Variants in DNAJC3 observed in about 807,000 individuals in gnomAD.
DNAJC3 encodes DnaJ heat shock protein family (Hsp40) member C3, also known as dnaJ homolog subfamily C member 3.
In DNAJC3, 38 loss-of-function variants were observed where a neutral mutation model predicts 68.6. The observed-to-expected ratio is 0.55, with a 90% CI of 0.43 to 0.73. The LOEUF is 0.73. DNAJC3 is among the 30% of genes least tolerant of loss of function. The probability of loss-of-function intolerance (pLI) is 0.00; values close to 1 mark genes in which losing one functional copy is unlikely to be tolerated. For synonymous variants in DNAJC3, 203 were observed against 204.0 expected, an observed-to-expected ratio of 1.00 and a Z score of 0.04; for missense variants, 526 against 591.9, an observed-to-expected ratio of 0.89 and a Z score of 1.16.
chr13:95,688,366 A>G (rs972152731), intron 1 of DNAJC3, among the ~76,000 whole-genome samples: 2 of 152,246 alleles, frequency 1.3e-5, no homozygotes, highest in African/African-American at 2.4e-5. Flanking sequence ...TTCAAGGGAA[A>G]TGCTTTCAGC....
chr13:95,783,207 C>T (rs1883504477), intron 9 of DNAJC3, among the ~76,000 whole-genome samples: 1 of 152,144 alleles, frequency 6.6e-6, no homozygotes, highest in Non-Finnish European at 1.5e-5. Context: ...GGAAGTCTTA[C>T]ATCATCCATA....
intron 1 of DNAJC3, among the ~76,000 whole-genome samples, chr13:95,704,015 T>C (rs1490744308): frequency 6.6e-6 from 1 of 152,212 alleles, no homozygotes; most frequent in African/African-American, 2.4e-5. Context: ...CATTGCAAAA[T>C]AGCACACTTG....
intron 9 of DNAJC3, among the ~76,000 whole-genome samples, chr13:95,775,566 A>G (rs1883270327): frequency 1.3e-5 from 2 of 152,230 alleles, no homozygotes; most frequent in African/African-American, 4.8e-5. Context: ...TAAGGAAATT[A>G]GTATATTTCC....
chr13:95,736,003 G>A (rs1038989801), intron 4 of DNAJC3, among the ~76,000 whole-genome samples: 124 of 152,144 alleles, frequency 8.2e-4, no homozygotes, highest in Non-Finnish European at 1.5e-3. Flanking sequence ...TTTGTATAAG[G>A]TGTAAGGAAG....
At chr13:95,728,087 A>T (rs1881588585) in intron 4 of DNAJC3, among the ~76,000 whole-genome samples, 1 of 152,082 alleles carries the variant, frequency 6.6e-6, no homozygotes, top group Admixed American at 6.5e-5. Flanking sequence ...TATCCTACTT[A>T]GTTTGTTCCT....
chr13:95,701,858 A>G (rs17878862), intron 1 of DNAJC3, among the ~76,000 whole-genome samples: 99 of 152,324 alleles, frequency 6.5e-4, no homozygotes, highest in Middle Eastern at 6.8e-3. Flanking sequence ...TTCCCCCATT[A>G]TAACACTATA....
rs1883590920 is a variant in DNAJC3, at chr13:95,786,002, T to A, written c.1139T>A (p.Leu380Gln). The A allele has an allele frequency of 6.2e-7, 1 of 1,612,566 alleles. No individual in the cohort carries two copies. Among genetic ancestry groups the A allele is most frequent in the Admixed American group, 1.7e-5 (1 of 59,810 alleles). The change falls in exon 10 of 12, where the codon CTA becomes CAA. Residue 380 changes from leucine to glutamine, a missense_variant. Transcript: ENST00000602402. ...AATGATCAGCAGATTCGAGAAGGTC[T>A]AGAGAAAGCACAAAGATTATTGAAA... ...NENDQQIREG[L>Q]EKAQRLLKQS... is the part of the protein sequence containing the mutation.
chr13:95,720,005 G>GT (rs1004299543), intron 2 of DNAJC3, among the ~76,000 whole-genome samples: 64 of 149,958 alleles, frequency 4.3e-4, no homozygotes, highest in African/African-American at 1.2e-3. Flanking sequence ...TACAGACACA[G>GT]TTTTTTTTTT....
chr13:95,680,317 G>C (rs1202282514), intron 1 of DNAJC3, among the ~76,000 whole-genome samples: 1 of 151,896 alleles, frequency 6.6e-6, no homozygotes, highest in East Asian at 1.9e-4. Flanking sequence ...CATATATTTT[G>C]GCCATGGGGA....
chr13:95,756,153 CAGT>C (rs1294262046), intron 4 of DNAJC3, among the ~76,000 whole-genome samples: 1 of 152,204 alleles, frequency 6.6e-6, no homozygotes, highest in Non-Finnish European at 1.5e-5. Context: ...CTAAGAGGGT[CAGT>C]AGTGTACTCA....
intron 2 of DNAJC3, 63 bp from the exon 3 acceptor site, chr13:95,723,179 G>GTT: frequency 6.9e-7 from 1 of 1,446,502 alleles, no homozygotes; most frequent in Non-Finnish European, 9.3e-7. Context: ...CAGGTGATTT[G>GTT]TTTTTTTTTA....
chr13:95,679,919 T>C (rs1164659392), intron 1 of DNAJC3, among the ~76,000 whole-genome samples: 1 of 152,242 alleles, frequency 6.6e-6, no homozygotes, highest in Non-Finnish European at 1.5e-5. Context: ...AGTGTTTTTC[T>C]GATTTTGAAA....
chr13:95,716,984 G>GC (rs1203590230), intron 2 of DNAJC3, among the ~76,000 whole-genome samples: 5 of 151,958 alleles, frequency 3.3e-5, no homozygotes, highest in Non-Finnish European at 5.9e-5. Context: ...GCACTTCCCT[G>GC]CCCCCCTCCC....
intron 2 of DNAJC3, among the ~76,000 whole-genome samples, chr13:95,720,655 C>A (rs545379754): frequency 6.6e-6 from 1 of 152,296 alleles, no homozygotes; most frequent in South Asian, 2.1e-4. Context: ...CCTACTCTTT[C>A]CTCAAGTTAA....
At chr13:95,722,613 T>TA (rs533131974) in intron 2 of DNAJC3, among the ~76,000 whole-genome samples, 44,683 of 138,998 alleles carry the variant, frequency 0.32, 10,159 homozygotes, top group African/African-American at 0.65. Flanking sequence ...TACAAAAAAT[T>TA]AAAAAAAAAA....
At chr13:95,778,263 C>T (rs996501733) in intron 9 of DNAJC3, among the ~76,000 whole-genome samples, 4 of 152,128 alleles carry the variant, frequency 2.6e-5, no homozygotes, top group Admixed American at 2.0e-4. Context: ...AATGTCCAAA[C>T]ACCAAACAAA....
intron 1 of DNAJC3, among the ~76,000 whole-genome samples, chr13:95,703,462 G>T (rs1317880069): frequency 6.6e-6 from 1 of 152,198 alleles, no homozygotes; most frequent in Non-Finnish European, 1.5e-5. Flanking sequence ...TACTATGAAA[G>T]CTGACACAGG....
At chr13:95,690,997 G>A (rs1212173192) in intron 1 of DNAJC3, among the ~76,000 whole-genome samples, 3 of 144,864 alleles carry the variant, frequency 2.1e-5, no homozygotes, top group South Asian at 2.2e-4. Flanking sequence ...CCCGGATGGG[G>A]TGGCTGGCCG....
chr13:95,731,361 A>T (rs2139648687), intron 4 of DNAJC3, among the ~76,000 whole-genome samples: 1 of 152,290 alleles, frequency 6.6e-6, no homozygotes, highest in East Asian at 1.9e-4. Context: ...GAAGGTGAGC[A>T]TCTTTGTCTT....
Sources: allele counts gnomAD v4.1 joint callset (sites outside exome capture counted in the v4.1 genomes callset), GRCh38; gene constraint gnomAD v4.1.1; transcripts MANE v1.5; gene names NCBI Gene and HGNC (gene_info 2026-07-23, HGNC 2026-07-21).